The following NUP133 variants were observed in gnomAD, a reference collection of about 807,000 sequenced individuals.
NUP133 encodes nucleoporin 133, also known as nuclear pore complex protein Nup133.
A neutral mutation model predicts 146.2 loss-of-function variants in NUP133; 66 were observed. That is an observed-to-expected ratio of 0.45 (90% CI 0.37 to 0.55). The LOEUF is 0.55. Among genes scored for constraint, NUP133 ranks in the 20% least tolerant of loss-of-function variants. NUP133 has a pLI of 0.00. For synonymous variants in NUP133, 521 were observed against 498.8 expected, an observed-to-expected ratio of 1.04 and a Z score of -0.59; for missense variants, 1,277 against 1,374.8, an observed-to-expected ratio of 0.93 and a Z score of 1.12.
Position 229,442,064 on chromosome 1 carries a change from C to T in NUP133, c.3335-24G>A, listed in dbSNP as rs1235808084. On this transcript the variant is annotated intron_variant, in intron 25 of 25. Coordinates refer to ENST00000261396, the MANE Select transcript of NUP133 (RefSeq NM_018230.3). The stretch of plus-strand genomic sequence containing the variant: ...GCCTATAAACACAAACACAAGAAGT[C>T]ATTTTTCAATTATTATAAAATGCTC... The T allele has an allele frequency of 2.0e-6, 3 of 1,537,784 alleles. No individual in the cohort carries two copies. In the South Asian group the frequency reaches 3.9e-5, roughly 20 times the overall value.
chr1:229,475,808 C>T lies in NUP133; in HGVS notation c.1757-76G>A, dbSNP rs11805314. On this transcript the variant is annotated intron_variant, in intron 13 of 25. Transcript: ENST00000261396. ...CTATTTTAATATCAGTGGCTAACTG[C>T]TATTAAAATAAAAAGCTAAGGCTAG... The T allele has an allele frequency of 0.016, 18,723 of 1,200,498 alleles. 1,324 individuals carry two copies. The African/African-American group carries it at 0.19, about 12-fold the overall frequency. 74.4% of individuals were successfully genotyped at this position (1,200,498 alleles called of 1,614,324 possible).
intron 2 of NUP133, among the ~76,000 whole-genome samples, chr1:229,504,227 C>T (rs1661878921): frequency 6.6e-6 from 1 of 152,052 alleles, no homozygotes; most frequent in Non-Finnish European, 1.5e-5. Context: ...CACCCATATA[C>T]AATTTAAGTA....
intron 13 of NUP133, among the ~76,000 whole-genome samples, chr1:229,477,251 A>G (rs528613537): frequency 4.7e-4 from 72 of 152,158 alleles, no homozygotes; most frequent in African/African-American, 1.7e-3. Context: ...CAACCTGGCT[A>G]ACACAGTGAA....
chr1:229,484,409 A>G (rs1007371496), intron 11 of NUP133, among the ~76,000 whole-genome samples: 9 of 152,152 alleles, frequency 5.9e-5, no homozygotes, highest in African/African-American at 2.2e-4. Flanking sequence ...AAGTTTACGA[A>G]TTTGTGTTGG....
At position 229,463,645 on chromosome 1, in the gene NUP133, A is replaced by G. The variant is rs751187460; in HGVS notation, c.2583T>C (p.Ser861=). 6.2e-7 allele frequency: 1 copy of G among 1,614,048 alleles called. No homozygotes were observed. Among genetic ancestry groups the G allele is most frequent in the Non-Finnish European group, 8.5e-7 (1 of 1,179,990 alleles). Residue 861 remains serine, a synonymous_variant, in exon 19 of 26, where the codon TCT becomes TCC. Coordinates refer to ENST00000261396, the MANE Select transcript of NUP133 (RefSeq NM_018230.3). ...CAAAGTCACAGTATTTCTCTGCTAGAGAAGCAGCCCACAGGTACTGGCCTA... is the reference window on the plus strand; with the variant it reads ...CAAAGTCACAGTATTTCTCTGCTAGGGAAGCAGCCCACAGGTACTGGCCTA... ...LSLGQYLWAA[S]LAEKYCDFDI...
intron 25 of NUP133, among the ~76,000 whole-genome samples, chr1:229,444,325 C>T (rs569482070): frequency 1.3e-5 from 2 of 151,162 alleles, no homozygotes; most frequent in African/African-American, 4.9e-5. Context: ...AATGAGACTC[C>T]GTCTCAAAAA....
chr1:229,449,061 T>G, intron 24 of NUP133, 65 bp downstream of exon 24: 3 of 1,183,864 alleles, frequency 2.5e-6, no homozygotes, highest in Non-Finnish European at 3.8e-6. Context: ...TTGACTGTCA[T>G]GTGGTGAGAG....
rs910191046 is a variant in NUP133 at position 229,442,775 on chromosome 1, G to A, written c.3335-735C>T. Among the ~76,000 whole-genome samples the A allele has an allele frequency of 3.2e-4, 48 of 147,972 alleles. 1 individual carries two copies. The highest frequency in any genetic ancestry group is 7.1e-3 in the Middle Eastern group (2 of 280). On this transcript the variant is annotated intron_variant, in intron 25 of 25. Coordinates refer to ENST00000261396, the MANE Select transcript of NUP133 (RefSeq NM_018230.3). ...GCTGGCCAGGCAATGGCGCGATCTCGGCTCACAGCAACCTCTGCCTTCTGG... is the reference window on the plus strand; with the variant it reads ...GCTGGCCAGGCAATGGCGCGATCTCAGCTCACAGCAACCTCTGCCTTCTGG...
In NUP133 at chr1:229,449,998, C is replaced by A. The variant is rs756013415; in HGVS notation, c.3180+527G>T. 5.5e-4 allele frequency among the ~76,000 whole-genome samples: 82 copies of A among 150,292 alleles called. 1 individual carries two copies. Among genetic ancestry groups the A allele is most frequent in the Middle Eastern group, 3.5e-3 (1 of 286 alleles). On this transcript the variant is annotated intron_variant, in intron 23 of 25. Coordinates refer to ENST00000261396, the MANE Select transcript of NUP133 (RefSeq NM_018230.3). ...GGATTCAAGAGACTCATGCCTCAGC[C>A]TCCCAAGTAGCTGGGATTACAGGCG...
chr1:229,466,581 T>C, intron 16 of NUP133, 53 bp downstream of exon 16: 9 of 1,602,190 alleles, frequency 5.6e-6, no homozygotes, highest in Non-Finnish European at 7.7e-6. Flanking sequence ...CAGTTCCTTG[T>C]CTATCCATGC....
chr1:229,495,552 T>C lies in NUP133; in HGVS notation c.989A>G (p.Asn330Ser), dbSNP rs777011310. 4 of 1,608,660 alleles carry C rather than the reference T, an allele frequency of 2.5e-6. No homozygotes were observed. The highest frequency in any genetic ancestry group is 1.7e-6 in the Non-Finnish European group (2 of 1,175,648). The change falls in exon 8 of 26, where the codon AAC becomes AGC. Residue 330 changes from asparagine (N) to serine (S), a missense_variant. Around this residue, in one of 3 missense-constraint regions of NUP133, gnomAD observed 952 missense variants for 1,047.0 expected, o/e 0.91. Transcript: ENST00000261396. The stretch of plus-strand genomic sequence containing the variant: ...GACTCCTTCTTTAATAGCTTCATAG[T>C]TACTTTCAGATCCCTACATGAAAAT... The part of the protein sequence containing the change: ...ITDAIWGSES[N>S]YEAIKEGVNI...
chr1:229,473,213 C>A (rs949040283), intron 14 of NUP133, among the ~76,000 whole-genome samples: 1 of 152,148 alleles, frequency 6.6e-6, no homozygotes, highest in African/African-American at 2.4e-5. Context: ...GATCGTGCCA[C>A]TGCACTCCAC....
At position 229,484,128 on chromosome 1, in the gene NUP133, G is replaced by A. The variant is rs761626961; in HGVS notation, c.1518C>T (p.Thr506=). Residue 506 remains threonine, a synonymous_variant, in exon 12 of 26, where the codon ACC becomes ACT. Coordinates refer to ENST00000261396, the MANE Select transcript of NUP133 (RefSeq NM_018230.3). ...GGGCTATAGTTTCATTCTTTGTAGT[G>A]GTCTCAAAAATCATACTCTGCAAAA... ...GPNSESMIFE[T]TTKNETIAQE... The A allele has an allele frequency of 1.7e-5, 27 of 1,611,724 alleles. No individual in the cohort carries two copies. The highest frequency in any genetic ancestry group is 2.0e-5 in the Non-Finnish European group (23 of 1,178,578).
At chr1:229,468,568 T>C (rs1169454353) in intron 15 of NUP133, among the ~76,000 whole-genome samples, 2 of 152,212 alleles carry the variant, frequency 1.3e-5, no homozygotes, top group Non-Finnish European at 2.9e-5. Context: ...TAAAATATTA[T>C]TCTATATGTA....
intron 24 of NUP133, among the ~76,000 whole-genome samples, chr1:229,448,148 G>T (rs1660356262): frequency 6.6e-6 from 1 of 152,270 alleles, no homozygotes; most frequent in Non-Finnish European, 1.5e-5. Context: ...AACGGGAGGA[G>T]CCGGGCGTGG....
At chr1:229,462,564 A>ATT (rs879753600) in intron 19 of NUP133, among the ~76,000 whole-genome samples, 2 of 146,192 alleles carry the variant, frequency 1.4e-5, no homozygotes, top group Non-Finnish European at 1.5e-5. Flanking sequence ...CACAATGGAA[A>ATT]TTTTTTTTTT....
chr1:229,499,858 G>T (rs1661752617), intron 4 of NUP133, 40 bp from the exon 5 acceptor site: 3 of 1,584,236 alleles, frequency 1.9e-6, no homozygotes, highest in Non-Finnish European at 2.6e-6. Context: ...CACAATAAAA[G>T]AGGAACCCAA....
intron 19 of NUP133, among the ~76,000 whole-genome samples, chr1:229,461,713 A>G (rs748937898): frequency 2.6e-5 from 4 of 152,274 alleles, no homozygotes; most frequent in Non-Finnish European, 5.9e-5. Context: ...GATCAGAGTA[A>G]GCACAAAAGG....
chr1:229,479,750 C>T (rs537666789), intron 12 of NUP133, among the ~76,000 whole-genome samples: 88 of 152,194 alleles, frequency 5.8e-4, no homozygotes, highest in African/African-American at 1.7e-3. Flanking sequence ...TGGCCCGGGT[C>T]ATGGTACATC....
Sources: allele counts gnomAD v4.1 joint callset (sites outside exome capture counted in the v4.1 genomes callset), GRCh38; gene constraint gnomAD v4.1.1; regional missense constraint gnomAD v4.1.1; transcripts MANE v1.5; gene names NCBI Gene and HGNC (gene_info 2026-07-23, HGNC 2026-07-21).